The following IL1RL1 variants were observed in gnomAD, a reference collection of about 807,000 sequenced individuals.
IL1RL1 encodes interleukin 1 receptor like 1, also known as interleukin-1 receptor-like 1.
IL1RL1 carries 32 observed loss-of-function variants against 50.9 expected under a neutral mutation model. The observed-to-expected ratio is 0.63, with a 90% CI of 0.47 to 0.84. IL1RL1 has a LOEUF of 0.84. Ranked by LOEUF, IL1RL1 falls within the 40% of genes least tolerant of loss-of-function variation. The pLI is 0.00. For synonymous variants in IL1RL1, 275 were observed against 236.0 expected (o/e 1.17, Z -1.51); for missense variants, 773 against 662.9 (o/e 1.17, Z -1.82).
chr2:102,342,889 G>C (rs1450054662), intron 6 of IL1RL1, 147 bp from the exon 7 acceptor site: 1 of 736,542 alleles, frequency 1.4e-6, no homozygotes, highest in African/African-American at 1.8e-5. Context: ...AGAGGACATA[G>C]AAAGAGGAAG....
rs1676869189 is a variant in IL1RL1 at position 102,322,697 on chromosome 2, C to G, written c.-150+11074C>G. On this transcript the variant is annotated intron_variant, in intron 1 of 10. Coordinates refer to ENST00000233954, the MANE Select transcript of IL1RL1 (RefSeq NM_016232.5). ...ATTAAAAGCATCAATCTTACATATT[C>G]AGTTGAATGAGATTCAGCAATCATA... is the stretch of plus-strand genomic sequence containing the variant. Among the ~76,000 whole-genome samples the G allele has an allele frequency of 2.0e-5, 3 of 152,316 alleles. No homozygotes were observed. In the South Asian group the frequency reaches 6.2e-4, roughly 32 times the overall value.
Position 102,320,624 on chromosome 2 carries a change from C to T in IL1RL1, c.-150+9001C>T, listed in dbSNP as rs564147394. ...TGTAATCCTACTCTAAAACCTATAC[C>T]ACCTGCCATTTCCTAATTCAGTAAC... On this transcript the variant is annotated intron_variant, in intron 1 of 10. Transcript: ENST00000233954. 6.6e-5 allele frequency among the ~76,000 whole-genome samples: 10 copies of T among 152,186 alleles called. 2 individuals are homozygous for T. In the Middle Eastern group the frequency reaches 0.014, roughly 207 times the overall value.
intron 1 of IL1RL1, among the ~76,000 whole-genome samples, chr2:102,331,502 C>T (rs569865367): frequency 6.6e-6 from 1 of 152,300 alleles, no homozygotes; most frequent in African/African-American, 2.4e-5. Flanking sequence ...TGGCCACCAG[C>T]CCATTTCTTT....
At position 102,340,525 on chromosome 2, in the gene IL1RL1, A is replaced by C. The variant is rs1428781804; in HGVS notation, c.448-141A>C. ...CAGCTTGGGAGGCTGAGGTATGAAA[A>C]TCACTTGAACCTAGAAGGCAGAGGT... On this transcript the variant is annotated intron_variant, in intron 4 of 10. Transcript: ENST00000233954. 4.7e-6 allele frequency: 4 copies of C among 849,338 alleles called. No individual in the cohort carries two copies. The East Asian group carries it at 1.1e-4, about 24-fold the overall frequency. The allele number at this position is 849,338 out of a possible 1,614,324, so 52.6% of individuals were successfully genotyped here. A position where few individuals can be genotyped will look rare whatever the true frequency, so the allele number is the denominator to read the frequency against.
At position 102,347,984 on chromosome 2, in the gene IL1RL1, G is replaced by C; in HGVS notation, c.1010G>C (p.Ser337Thr). ...ATCTACTGCATAATTGCAGTATGTA[G>C]TGTATTTTTAATGCTAATCAATGTC... ...HSIYCIIAVC[S>T]VFLMLINVLV... The change falls in exon 9 of 11, where the codon AGT becomes ACT. Residue 337 changes from serine (S) to threonine (T), a missense_variant. Coordinates refer to ENST00000233954, the MANE Select transcript of IL1RL1 (RefSeq NM_016232.5). 1 of 1,566,800 alleles carries C rather than the reference G, an allele frequency of 6.4e-7. No homozygotes were observed. Among genetic ancestry groups the C allele is most frequent in the Non-Finnish European group, 8.8e-7 (1 of 1,136,870 alleles).
At chr2:102,327,517 G>A (rs1360958025) in intron 1 of IL1RL1, among the ~76,000 whole-genome samples, 2 of 152,148 alleles carry the variant, frequency 1.3e-5, no homozygotes, top group Non-Finnish European at 2.9e-5. Flanking sequence ...AGCAGAACTG[G>A]AGGAAATAGA....
rs752851685 is a variant in IL1RL1 at position 102,338,309 on chromosome 2, C to T, written c.45C>T (p.Ser15=). 34 of 1,598,456 alleles carry T rather than the reference C, an allele frequency of 2.1e-5. 1 individual carries two copies. In the South Asian group the frequency reaches 3.7e-4, roughly 17 times the overall value. Residue 15 remains serine (S), a synonymous_variant, in exon 2 of 11, where the codon TCC becomes TCT. Transcript: ENST00000233954. The stretch of plus-strand genomic sequence containing the variant: ...CAATTCTCACAATTCTCATGTATTC[C>T]ACAGCAGCAAAGTTTAGTAAGTATT... ...ILAILTILMY[S]TAAKFSKQSW...
At chr2:102,331,958 T>C (rs1677189926) in intron 1 of IL1RL1, among the ~76,000 whole-genome samples, 1 of 152,024 alleles carries the variant, frequency 6.6e-6, no homozygotes, top group Admixed American at 6.6e-5. Flanking sequence ...GTCCCAGCTA[T>C]TCTGGAGGCT....
At chr2:102,331,943 A>G (rs573722206) in intron 1 of IL1RL1, among the ~76,000 whole-genome samples, 3 of 152,074 alleles carry the variant, frequency 2.0e-5, no homozygotes, top group East Asian at 1.9e-4. Flanking sequence ...TGATGTGTGC[A>G]TGTAGTCCCA....
Position 102,336,385 on chromosome 2 carries a change from A to G in IL1RL1, c.-149-1731A>G, listed in dbSNP as rs114253131. 1.1e-3 allele frequency among the ~76,000 whole-genome samples: 165 copies of G among 152,258 alleles called. 1 individual carries two copies. The highest frequency in any genetic ancestry group is 1.5e-3 in the Non-Finnish European group (100 of 68,026). ...GAATTAATACATGTAAATCACTTAG[A>G]CTGTGTCTGGCATAGAGGACATTCT... On this transcript the variant is annotated intron_variant, in intron 1 of 10. Transcript: ENST00000233954.
chr2:102,333,067 G>A (rs757072223), intron 1 of IL1RL1, among the ~76,000 whole-genome samples: 1 of 152,126 alleles, frequency 6.6e-6, no homozygotes, highest in African/African-American at 2.4e-5. Context: ...GTGTTCCATC[G>A]TGTGGTACCT....
rs1279842851 is a variant in IL1RL1 at position 102,315,021 on chromosome 2, T to C, written c.-150+3398T>C. On this transcript the variant is annotated intron_variant, in intron 1 of 10. Transcript: ENST00000233954. ...ACTTACAGTTTATCTGCTTTCTGTC[T>C]TTGCTTTCCCTTGGTACTGCTAGTC... Among the ~76,000 whole-genome samples the C allele has an allele frequency of 5.3e-5, 8 of 152,338 alleles. No homozygotes were observed. In the East Asian group the frequency reaches 1.5e-3, roughly 29 times the overall value.
chr2:102,350,017 A>C (rs1347639691), intron 10 of IL1RL1, among the ~76,000 whole-genome samples: 1 of 152,168 alleles, frequency 6.6e-6, no homozygotes, highest in Non-Finnish European at 1.5e-5. Flanking sequence ...ATAGATGTAA[A>C]GGTATGAACA....
chr2:102,313,760 A>G (rs1048536490), intron 1 of IL1RL1, among the ~76,000 whole-genome samples: 2 of 152,168 alleles, frequency 1.3e-5, no homozygotes, highest in South Asian at 4.1e-4. Context: ...GGTTGGGAGG[A>G]TACAATGCAG....
rs374285935 is a variant in IL1RL1 at position 102,343,191 on chromosome 2, G to A, written c.824+14G>A. Reference sequence around the variant, plus strand: ...GCAAAATCAAAGGTATTTTTATATTGAAGAGAACCATCCTCTTCCCCTTGC... The same window carrying A: ...GCAAAATCAAAGGTATTTTTATATTAAAGAGAACCATCCTCTTCCCCTTGC... On this transcript the variant is annotated intron_variant, in intron 7 of 10. Coordinates refer to ENST00000233954, the MANE Select transcript of IL1RL1 (RefSeq NM_016232.5). 1 of 1,614,084 alleles carries A rather than the reference G, an allele frequency of 6.2e-7. No homozygotes were observed. Among genetic ancestry groups the A allele is most frequent in the Non-Finnish European group, 8.5e-7 (1 of 1,179,968 alleles).
At chr2:102,335,731 A>T (rs1390693424) in intron 1 of IL1RL1, among the ~76,000 whole-genome samples, 1 of 152,214 alleles carries the variant, frequency 6.6e-6, no homozygotes. Context: ...CCAACTTAAT[A>T]CATGTTTTAA....
At chr2:102,335,324 G>A (rs1677286278) in intron 1 of IL1RL1, among the ~76,000 whole-genome samples, 2 of 152,110 alleles carry the variant, frequency 1.3e-5, no homozygotes, top group South Asian at 4.1e-4. Flanking sequence ...ATTATAAAAA[G>A]AAAAGCTTTA....
At chr2:102,324,974 G>A (rs1676949507) in intron 1 of IL1RL1, among the ~76,000 whole-genome samples, 2 of 152,190 alleles carry the variant, frequency 1.3e-5, no homozygotes, top group Admixed American at 1.3e-4. Flanking sequence ...AGACTTAAAT[G>A]AACCTGTCTG....
At chr2:102,315,160 C>T (rs1259934021) in intron 1 of IL1RL1, among the ~76,000 whole-genome samples, 1 of 152,112 alleles carries the variant, frequency 6.6e-6, no homozygotes, top group African/African-American at 2.4e-5. Flanking sequence ...AATGGGGCCT[C>T]TGCCCTCTCA....
Sources: gnomAD v4.1 joint callset for allele counts (sites outside exome capture counted in the v4.1 genomes callset) on GRCh38, gnomAD v4.1.1 for gene constraint, MANE v1.5 for transcripts, NCBI Gene and HGNC (gene_info 2026-07-23, HGNC 2026-07-21) for gene names.